AMDHD2: variants seen among roughly 807,000 people sequenced by gnomAD.
AMDHD2 encodes N-acetylglucosamine-6-phosphate deacetylase.
A neutral mutation model predicts 41.8 loss-of-function variants in AMDHD2; 24 were observed. The ratio of observed to expected loss-of-function variants is 0.57; its 90% CI spans 0.42 to 0.81. The LOEUF is 0.81. Ranked by LOEUF, AMDHD2 falls within the 30% of genes least tolerant of loss-of-function variation. The pLI is 0.00. For missense variants in AMDHD2, 540 were observed against 588.5 expected (o/e 0.92, Z 0.85); for synonymous variants, 332 against 255.5 (o/e 1.30, Z -2.85).
At position 2,521,129 on chromosome 16, in the gene AMDHD2, G is replaced by T; in HGVS notation, c.360+6G>T. The T allele has an allele frequency of 6.4e-7, 1 of 1,565,360 alleles. No homozygotes were observed. Among genetic ancestry groups the T allele is most frequent in the Non-Finnish European group, 8.7e-7 (1 of 1,149,162 alleles). ...CACCGGAGGTTTATCACAAGGTGAG[G>T]TGAGGCTCCCTGGCTGAGGTGGAGG... On this transcript the variant is annotated splice_donor_region_variant and intron_variant, in intron 3 of 10. Coordinates refer to ENST00000293971, the MANE Select transcript of AMDHD2 (RefSeq NM_001330449.2).
rs202144543 is a variant in AMDHD2, at chr16:2,529,454, C to T, written c.1142-21C>T. Reference sequence around the variant, plus strand: ...GGCGGCCCCACTCCTGCCCCCTACTCATTGCCCGGCTCTGTCCCAGACTTC... The same window carrying T: ...GGCGGCCCCACTCCTGCCCCCTACTTATTGCCCGGCTCTGTCCCAGACTTC... On this transcript the variant is annotated intron_variant, in intron 10 of 10. Transcript: ENST00000293971. The T allele has an allele frequency of 2.2e-5, 35 of 1,608,048 alleles. No homozygotes were observed. In the African/African-American group the frequency reaches 4.5e-4, roughly 21 times the overall value.
Position 2,527,589 on chromosome 16 carries a change from G to A in AMDHD2, c.389G>A (p.Gly130Asp). 1 of 1,613,272 alleles carries A rather than the reference G, an allele frequency of 6.2e-7. No individual in the cohort carries two copies. Among genetic ancestry groups the A allele is most frequent in the Non-Finnish European group, 8.5e-7 (1 of 1,179,722 alleles). ...GTTCCTCAGATCCCTGTGAAGAGTG[G>A]TGGTCCCCATGGGGCAGGGGTCCTC... is the stretch of plus-strand genomic sequence containing the variant. ...KVVPQIPVKS[G>D]GPHGAGVLGL... is the part of the protein sequence containing the mutation. The change falls in exon 4 of 11, where the codon GGT (glycine) becomes GAT (aspartate). Residue 130 changes from glycine (G) to aspartate (D), a missense_variant. Coordinates refer to ENST00000293971, the MANE Select transcript of AMDHD2 (RefSeq NM_001330449.2). This position sits in a 1 kb window ranked among gnomAD's most constrained non-coding sequence, Gnocchi z 6.1.
rs2066021778 is a variant in AMDHD2, at chr16:2,527,710, G to A, written c.416-63G>A. 1.3e-6 allele frequency: 2 copies of A among 1,556,656 alleles called. No individual in the cohort carries two copies. Among genetic ancestry groups the A allele is most frequent in the African/African-American group, 2.7e-5 (2 of 73,892 alleles). ...CCTCCAGATGCCCAGCTGGTGGGGA[G>A]GGCAGGTGATAAGGGCTGGGTGGGG... On this transcript the variant is annotated intron_variant, in intron 4 of 10. Transcript: ENST00000293971. This position sits in a 1 kb window ranked among gnomAD's most constrained non-coding sequence, Gnocchi z 6.1.
At chr16:2,529,370 C>T (rs1567133424) in intron 10 of AMDHD2, 105 bp from the exon 11 acceptor site, 4 of 1,545,698 alleles carry the variant, frequency 2.6e-6, no homozygotes, top group South Asian at 1.2e-5. Context: ...TAGTCGTGTC[C>T]CTGGGCCTCA....
intron 10 of AMDHD2, 119 bp from the exon 11 acceptor site, chr16:2,529,356 G>A: frequency 6.8e-7 from 1 of 1,478,740 alleles, no homozygotes; most frequent in Admixed American, 1.7e-5. Flanking sequence ...AGGGTGTCTT[G>A]CACTAGTCGT....
At position 2,530,625 on chromosome 16, in the gene AMDHD2, C is replaced by T; in HGVS notation, c.*1062C>T. 6 of 1,614,204 alleles carry T rather than the reference C, an allele frequency of 3.7e-6. No individual in the cohort carries two copies. Among genetic ancestry groups the T allele is most frequent in the Non-Finnish European group, 5.1e-6 (6 of 1,180,032 alleles). On this transcript the variant is annotated 3_prime_UTR_variant, in exon 11 of 11. Transcript: ENST00000293971. ...AGGAGGTACGCGCCTGGCTCTGCCACTGTTCTCTTCCCTCTGCTGCAAAGC... is the reference window on the plus strand; with the variant it reads ...AGGAGGTACGCGCCTGGCTCTGCCATTGTTCTCTTCCCTCTGCTGCAAAGC...
intron 3 of AMDHD2, among the ~76,000 whole-genome samples, chr16:2,521,535 G>A (rs2065937250): frequency 6.6e-6 from 1 of 152,130 alleles, no homozygotes. Flanking sequence ...AGTGGAACAC[G>A]CCTTCCAGAA....
At position 2,529,787 on chromosome 16, in the gene AMDHD2, C is replaced by A; in HGVS notation, c.*224C>A. On this transcript the variant is annotated 3_prime_UTR_variant, in exon 11 of 11. Coordinates refer to ENST00000293971, the MANE Select transcript of AMDHD2 (RefSeq NM_001330449.2). ...CACATGTGGCACCATCCTTGGTTGC[C>A]CTCCTGGAGAAGGCATTCACGGCCT... 7.0e-7 allele frequency: 1 copy of A among 1,430,490 alleles called. No individual in the cohort carries two copies. The highest frequency in any genetic ancestry group is 9.1e-7 in the Non-Finnish European group (1 of 1,096,178). The allele number at this position is 1,430,490 out of a possible 1,614,324, so 88.6% of individuals were successfully genotyped here.
intron 3 of AMDHD2, among the ~76,000 whole-genome samples, chr16:2,523,089 A>G (rs2065962648): frequency 1.3e-5 from 2 of 152,056 alleles, no homozygotes; most frequent in Admixed American, 6.6e-5. Context: ...CGATCTGCCC[A>G]TCTCAGCCTC....
intron 3 of AMDHD2, among the ~76,000 whole-genome samples, chr16:2,525,220 C>T (rs889600612): frequency 1.3e-5 from 2 of 151,798 alleles, no homozygotes; most frequent in Admixed American, 6.6e-5. Flanking sequence ...CCATGCCCTG[C>T]TAATTTTTGT....
Position 2,530,344 on chromosome 16 carries a change from T to A in AMDHD2, c.*781T>A. The A allele has an allele frequency of 6.2e-7, 1 of 1,614,184 alleles. No homozygotes were observed. Among genetic ancestry groups the A allele is most frequent in the Non-Finnish European group, 8.5e-7 (1 of 1,180,022 alleles). ...GTGTGCCCTGCTCACCCCATTAGTG[T>A]CATCCTGCCATCTTCTGTGTCCCCT... On this transcript the variant is annotated 3_prime_UTR_variant, in exon 11 of 11. Transcript: ENST00000293971.
chr16:2,527,442 C>A lies in AMDHD2; in HGVS notation c.361-119C>A. ...CTGACCCCTGTGAGGGGACAGGCGGCCGGGGCTGGGCTGGGTGCTGGGCTC... is the reference window on the plus strand; with the variant it reads ...CTGACCCCTGTGAGGGGACAGGCGGACGGGGCTGGGCTGGGTGCTGGGCTC... On this transcript the variant is annotated intron_variant, in intron 3 of 10. Coordinates refer to ENST00000293971, the MANE Select transcript of AMDHD2 (RefSeq NM_001330449.2). This position sits in a 1 kb window ranked among gnomAD's most constrained non-coding sequence, Gnocchi z 6.1. 9.1e-7 allele frequency: 1 copy of A among 1,097,310 alleles called. No individual in the cohort carries two copies. Among genetic ancestry groups the A allele is most frequent in the Admixed American group, 2.4e-5 (1 of 41,348 alleles). 68.0% of individuals were successfully genotyped at this position (1,097,310 alleles called of 1,614,324 possible). A position where few individuals can be genotyped will look rare whatever the true frequency, so the allele number is the denominator to read the frequency against.
At position 2,531,373 on chromosome 16, in the gene AMDHD2, T is replaced by C; in HGVS notation, c.*1810T>C. On this transcript the variant is annotated 3_prime_UTR_variant, in exon 11 of 11. Coordinates refer to ENST00000293971, the MANE Select transcript of AMDHD2 (RefSeq NM_001330449.2). ...CACTCTTGGTTGGTTTTGGTTTGCT[T>C]TTTAAAAATTGTGGTAAAATACATA... 2.0e-6 allele frequency: 1 copy of C among 505,014 alleles called. No individual in the cohort carries two copies. The highest frequency in any genetic ancestry group is 3.6e-6 in the Non-Finnish European group (1 of 276,690). 31.3% of individuals were successfully genotyped at this position (505,014 alleles called of 1,614,324 possible).
At position 2,530,089 on chromosome 16, in the gene AMDHD2, GGTTC is replaced by G; in HGVS notation, c.*527_*530del. On this transcript the variant is annotated 3_prime_UTR_variant, in exon 11 of 11. Coordinates refer to ENST00000293971, the MANE Select transcript of AMDHD2 (RefSeq NM_001330449.2). ...GTGTGCAGCGTGGAGCCCACAGCCT[GGTTC>G]TGGGCCAGGGCACAGTGCCAGGGGC... The G allele has an allele frequency of 9.4e-7, 1 of 1,064,190 alleles. No homozygotes were observed. The highest frequency in any genetic ancestry group is 1.3e-6 in the Non-Finnish European group (1 of 762,230). The allele number at this position is 1,064,190 out of a possible 1,614,324, so 65.9% of individuals were successfully genotyped here. A position where few individuals can be genotyped will look rare whatever the true frequency, so the allele number is the denominator to read the frequency against.
rs780618265 is a variant in AMDHD2, at chr16:2,527,630, T to A, written c.415+15T>A. The A allele has an allele frequency of 3.1e-6, 5 of 1,607,226 alleles. No individual in the cohort carries two copies. The highest frequency in any genetic ancestry group is 1.1e-5 in the South Asian group (1 of 89,900). On this transcript the variant is annotated intron_variant, in intron 4 of 10. Coordinates refer to ENST00000293971, the MANE Select transcript of AMDHD2 (RefSeq NM_001330449.2). This position sits in a 1 kb window ranked among gnomAD's most constrained non-coding sequence, Gnocchi z 6.1. ...AGGGGTCCTCGGTGAGTGGCTGACC[T>A]CCTCCCCGCCCCCACCCTGGGAGGC...
In AMDHD2 at chr16:2,530,523, G is replaced by C. The variant is rs1232635431; in HGVS notation, c.*960G>C. 1 of 1,614,182 alleles carries C rather than the reference G, an allele frequency of 6.2e-7. No individual in the cohort carries two copies. Among genetic ancestry groups the C allele is most frequent in the Non-Finnish European group, 8.5e-7 (1 of 1,180,010 alleles). ...GTGCAGCCCCACGTCAGGGGTGATTGTCTTGACTTTCTCTCCATTTGAGTT... is the reference window on the plus strand; with the variant it reads ...GTGCAGCCCCACGTCAGGGGTGATTCTCTTGACTTTCTCTCCATTTGAGTT... On this transcript the variant is annotated 3_prime_UTR_variant, in exon 11 of 11. Coordinates refer to ENST00000293971, the MANE Select transcript of AMDHD2 (RefSeq NM_001330449.2).
chr16:2,527,770 C>T lies in AMDHD2; in HGVS notation c.416-3C>T. On this transcript the variant is annotated splice_polypyrimidine_tract_variant and splice_region_variant and intron_variant, in intron 4 of 10. Transcript: ENST00000293971. This position sits in a 1 kb window ranked among gnomAD's most constrained non-coding sequence, Gnocchi z 6.1. ...GCTGGAGCCACTTGCTCCCTCCTCC[C>T]AGGGCTGCACCTGGAGGGCCCCTTC... 1 of 1,572,438 alleles carries T rather than the reference C, an allele frequency of 6.4e-7. No homozygotes were observed. Among genetic ancestry groups the T allele is most frequent in the Middle Eastern group, 1.8e-4 (1 of 5,566 alleles).
chr16:2,522,079 C>T (rs1034654007), intron 3 of AMDHD2, among the ~76,000 whole-genome samples: 2 of 152,050 alleles, frequency 1.3e-5, no homozygotes, highest in Admixed American at 6.5e-5. Flanking sequence ...CCACCGCGCC[C>T]GGCCAGTTTT....
At chr16:2,528,403 G>A in intron 7 of AMDHD2, 23 bp downstream of exon 7, 4 of 1,612,808 alleles carry the variant, frequency 2.5e-6, no homozygotes, top group Non-Finnish European at 3.4e-6. Flanking sequence ...AGGTGGCCAG[G>A]ACAGGTAGGA....
Sources: allele counts gnomAD v4.1 joint callset (sites outside exome capture counted in the v4.1 genomes callset), GRCh38; gene constraint gnomAD v4.1.1; non-coding constraint Gnocchi (gnomAD v3.1); transcripts MANE v1.5; gene names NCBI Gene and HGNC (gene_info 2026-07-23, HGNC 2026-07-21).